Variants in ANKS6 observed in about 807,000 individuals in gnomAD.
The protein encoded by ANKS6 is ankyrin repeat and SAM domain-containing protein 6.
A neutral mutation model predicts 77.9 loss-of-function variants in ANKS6; 47 were observed. That is an observed-to-expected ratio of 0.60 (90% confidence interval 0.48 to 0.77). The LOEUF is 0.77. ANKS6 is among the 30% of genes least tolerant of loss of function. ANKS6 has a pLI of 0.00. For missense variants in ANKS6, 1,150 were observed against 1,159.1 expected, an observed-to-expected ratio of 0.99 and a Z score of 0.11; for synonymous variants, 488 against 501.7, an observed-to-expected ratio of 0.97 and a Z score of 0.37.
In ANKS6 at chr9:98,734,342, C is replaced by T. The variant is rs1396883030; in HGVS notation, c.*2177G>A. The T allele has an allele frequency of 1.5e-5, 15 of 985,300 alleles. No individual in the cohort carries two copies. The highest frequency in any genetic ancestry group is 1.7e-5 in the African/African-American group (1 of 57,200). 61.0% of individuals were successfully genotyped at this position (985,300 alleles called of 1,614,324 possible). On this transcript the variant is annotated 3_prime_UTR_variant, in exon 15 of 15. Coordinates refer to ENST00000353234, the MANE Select transcript of ANKS6 (RefSeq NM_173551.5). Reference sequence around the variant, plus strand: ...CTACATTTGTGAAAAGGTGACCCCCCGGTGCAGCTGTGTATCATTGTTCAA... The same window carrying T: ...CTACATTTGTGAAAAGGTGACCCCCTGGTGCAGCTGTGTATCATTGTTCAA...
At chr9:98,793,009 G>C (rs991128533) in intron 1 of ANKS6, among the ~76,000 whole-genome samples, 6 of 152,208 alleles carry the variant, frequency 3.9e-5, no homozygotes, top group Non-Finnish European at 7.3e-5. Flanking sequence ...GCCGGAGATG[G>C]GCATGCTAGG....
intron 11 of ANKS6, among the ~76,000 whole-genome samples, chr9:98,762,501 T>C (rs1253136466): frequency 6.6e-6 from 1 of 152,216 alleles, no homozygotes; most frequent in Admixed American, 6.5e-5. Context: ...GTTCCCAGTC[T>C]TAGGAGGAAA....
At chr9:98,777,707 G>C (rs551459994) in intron 7 of ANKS6, among the ~76,000 whole-genome samples, 2 of 152,336 alleles carry the variant, frequency 1.3e-5, no homozygotes, top group African/African-American at 4.8e-5. Context: ...GTCTGTCTCA[G>C]ACAGTGGTGC....
rs1445995552 is a variant in ANKS6 at position 98,735,926 on chromosome 9, T to G, written c.*593A>C. Reference sequence around the variant, plus strand: ...AAAAAGACTTCATCTGAGAGGTGACTTGGACTAGGAGGGGCAAGTTAGAAG... The same window carrying G: ...AAAAAGACTTCATCTGAGAGGTGACGTGGACTAGGAGGGGCAAGTTAGAAG... On this transcript the variant is annotated 3_prime_UTR_variant, in exon 15 of 15. Coordinates refer to ENST00000353234, the MANE Select transcript of ANKS6 (RefSeq NM_173551.5). 8.1e-7 allele frequency: 1 copy of G among 1,230,920 alleles called. No individual in the cohort carries two copies. The highest frequency in any genetic ancestry group is 1.0e-6 in the Non-Finnish European group (1 of 988,150). The allele number at this position is 1,230,920 out of a possible 1,614,324, so 76.2% of individuals were successfully genotyped here. A position where few individuals can be genotyped will look rare whatever the true frequency, so the allele number is the denominator to read the frequency against.
chr9:98,739,314 G>A (rs1588314602), intron 14 of ANKS6, among the ~76,000 whole-genome samples: 3 of 152,182 alleles, frequency 2.0e-5, no homozygotes, highest in East Asian at 3.9e-4. Context: ...CAACAACAAC[G>A]AATAGAAACT....
At chr9:98,741,707 G>C (rs1403403736) in intron 14 of ANKS6, among the ~76,000 whole-genome samples, 2 of 152,176 alleles carry the variant, frequency 1.3e-5, no homozygotes, top group Admixed American at 6.5e-5. Context: ...GAGCAGACTC[G>C]AGCACACATT....
At chr9:98,763,645 A>G (rs1167700429) in intron 11 of ANKS6, among the ~76,000 whole-genome samples, 1 of 152,014 alleles carries the variant, frequency 6.6e-6, no homozygotes, top group Non-Finnish European at 1.5e-5. Context: ...GAAATCAATT[A>G]AATTGAAAAC....
chr9:98,752,594 G>T (rs1280769291), intron 12 of ANKS6, among the ~76,000 whole-genome samples: 2 of 152,186 alleles, frequency 1.3e-5, no homozygotes, highest in East Asian at 1.9e-4. Flanking sequence ...CAGCCAGCCT[G>T]TACATGGATG....
At chr9:98,772,616 AAGGG>A (rs1391392183) in intron 9 of ANKS6, among the ~76,000 whole-genome samples, 2 of 152,132 alleles carry the variant, frequency 1.3e-5, no homozygotes, top group Non-Finnish European at 2.9e-5. Context: ...GGGCACTCCT[AAGGG>A]AGGGACAGTG....
rs745913129 is a variant in ANKS6 at position 98,774,093 on chromosome 9, G to A, written c.1618-13C>T. ...CTCCGTTTCGAAGCTGAAAAAGACA[G>A]GCTGAGGGTTAGACAAGCCCCCAGG... On this transcript the variant is annotated splice_polypyrimidine_tract_variant and intron_variant, in intron 8 of 14. Coordinates refer to ENST00000353234, the MANE Select transcript of ANKS6 (RefSeq NM_173551.5). 20 of 1,450,948 alleles carry A rather than the reference G, an allele frequency of 1.4e-5. No homozygotes were observed. Among genetic ancestry groups the A allele is most frequent in the Non-Finnish European group, 1.7e-5 (19 of 1,095,732 alleles). The allele number at this position is 1,450,948 out of a possible 1,614,324, so 89.9% of individuals were successfully genotyped here.
intron 7 of ANKS6, among the ~76,000 whole-genome samples, chr9:98,777,841 T>C (rs536401266): frequency 6.6e-6 from 1 of 152,304 alleles, no homozygotes; most frequent in Admixed American, 6.5e-5. Context: ...ATACCTTGAG[T>C]GACGGGGAGC....
Position 98,796,541 on chromosome 9 carries a change from G to A in ANKS6, c.-50C>T, listed in dbSNP as rs1294046083. 2 of 968,412 alleles carry A rather than the reference G, an allele frequency of 2.1e-6. No homozygotes were observed. Among genetic ancestry groups the A allele is most frequent in the African/African-American group, 3.5e-5 (2 of 56,530 alleles). The allele number at this position is 968,412 out of a possible 1,614,324, so 60.0% of individuals were successfully genotyped here. On this transcript the variant is annotated 5_prime_UTR_variant, in exon 1 of 15. Transcript: ENST00000353234. Reference sequence around the variant, plus strand: ...CCCGTCCGCCCCGCCGGCCGCGTCGGCTCCGCCCCCGGATACCGCCCGCAG... The same window carrying A: ...CCCGTCCGCCCCGCCGGCCGCGTCGACTCCGCCCCCGGATACCGCCCGCAG...
At chr9:98,783,421 A>G (rs1226010806) in intron 4 of ANKS6, 1 of 152,222 alleles carries the variant, frequency 6.6e-6, no homozygotes, top group East Asian at 1.9e-4. Context: ...TGCCCACCCC[A>G]AAGACGAGGC....
Position 98,736,264 on chromosome 9 carries a change from A to G in ANKS6, c.*255T>C. 1 of 1,325,466 alleles carries G rather than the reference A, an allele frequency of 7.5e-7. No homozygotes were observed. The highest frequency in any genetic ancestry group is 9.6e-7 in the Non-Finnish European group (1 of 1,041,162). 82.1% of individuals were successfully genotyped at this position (1,325,466 alleles called of 1,614,324 possible). A position where few individuals can be genotyped will look rare whatever the true frequency, so the allele number is the denominator to read the frequency against. The stretch of plus-strand genomic sequence containing the variant: ...AGGATGAAAGGAGCTGAGTCCCTGC[A>G]TCACTGTGTGAACCAACCTGCCAAG... On this transcript the variant is annotated 3_prime_UTR_variant, in exon 15 of 15. Coordinates refer to ENST00000353234, the MANE Select transcript of ANKS6 (RefSeq NM_173551.5).
At position 98,784,848 on chromosome 9, in the gene ANKS6, GA is replaced by G. The variant is rs1013472556; in HGVS notation, c.890del (p.Phe297SerfsTer4). 1 of 1,613,288 alleles carries G rather than the reference GA, an allele frequency of 6.2e-7. No individual in the cohort carries two copies. Among genetic ancestry groups the G allele is most frequent in the African/African-American group, 1.3e-5 (1 of 74,870 alleles). ...AGCGCTTACCCATTTTCAATGCATG[GA>G]AAATATCAGGTCGCCTTTTCTCCTC... Reference protein sequence around the residue: ...TDEEKRRPDIFHALKMGNFQL... With the variant: ...TDEEKRRPDIXHALKMGNFQL... On this transcript the variant is annotated frameshift_variant, in exon 3 of 15. Coordinates refer to ENST00000353234, the MANE Select transcript of ANKS6 (RefSeq NM_173551.5). LOFTEE classifies it high-confidence loss of function.
In ANKS6 at chr9:98,732,582, A is replaced by C. The variant is rs951189701; in HGVS notation, c.*3937T>G. On this transcript the variant is annotated 3_prime_UTR_variant, in exon 15 of 15. Transcript: ENST00000353234. ...CGTCAGGGCAGAAGGGAGAGAAGAA[A>C]GAGAGATGAGAGATGAAAGGATTTA... 6 of 1,550,534 alleles carry C rather than the reference A, an allele frequency of 3.9e-6. No homozygotes were observed. The highest frequency in any genetic ancestry group is 5.2e-6 in the Non-Finnish European group (6 of 1,146,982).
At chr9:98,790,728 T>C (rs1834861547) in intron 1 of ANKS6, 122 bp from the exon 2 acceptor site, 10 of 1,350,952 alleles carry the variant, frequency 7.4e-6, no homozygotes, top group Non-Finnish European at 8.1e-6. Context: ...GGTCTTATTC[T>C]GGCGCCAGGC....
At chr9:98,757,195 G>A (rs1166025940) in intron 11 of ANKS6, among the ~76,000 whole-genome samples, 1 of 152,112 alleles carries the variant, frequency 6.6e-6, no homozygotes, top group Non-Finnish European at 1.5e-5. Context: ...ACAGTATAAT[G>A]ATCAAAACTA....
At chr9:98,796,052 G>A in intron 1 of ANKS6, 81 bp downstream of exon 1, 13 of 1,237,918 alleles carry the variant, frequency 1.1e-5, no homozygotes, top group South Asian at 3.0e-5. Flanking sequence ...ACCTCCCGGG[G>A]CATCCGGCCG....
Sources: gnomAD v4.1 joint callset for allele counts (sites outside exome capture counted in the v4.1 genomes callset) on GRCh38, gnomAD v4.1.1 for gene constraint, MANE v1.5 for transcripts, NCBI Gene and HGNC (gene_info 2026-07-23, HGNC 2026-07-21) for gene names.